Variants in NEXMIF observed in about 807,000 individuals in gnomAD.
NEXMIF encodes XLMR protein related to neurite extension.
A neutral mutation model predicts 62.1 loss-of-function variants in NEXMIF; 8 were observed. The observed-to-expected ratio is 0.13, with a 90% CI of 0.08 to 0.23. The LOEUF (loss-of-function observed/expected upper bound fraction) is 0.23, where lower values mean the gene tolerates loss of function less well. NEXMIF is among the 10% of genes least tolerant of loss of function. The probability of loss-of-function intolerance (pLI) is 1.00; values close to 1 mark genes in which losing one functional copy is unlikely to be tolerated. For synonymous variants in NEXMIF, 404 were observed against 416.6 expected, an observed-to-expected ratio of 0.97 and a Z score of 0.37; for missense variants, 976 against 1,113.3, an observed-to-expected ratio of 0.88 and a Z score of 1.75.
Position 74,745,623 on chromosome X carries a change from C to T in NEXMIF, c.28G>A (p.Val10Ile), listed in dbSNP as rs968900175. ...GTGTTTTCTCCGTTGGCTGAGGCAA[C>T]AATAGCCTTATCTTGTTGGTTATCC... MDNQQDKAI[V>I]ASANGENTLI... is the part of the protein sequence containing the mutation. Residue 10 changes from valine to isoleucine, a missense_variant, in exon 2 of 4, where the codon GTT becomes ATT. This residue lies in a region of NEXMIF where 126 missense variants were observed against 146.5 expected (regional missense o/e 0.86). Coordinates refer to ENST00000055682, the MANE Select transcript of NEXMIF (RefSeq NM_001008537.3). 1.7e-6 allele frequency: 2 copies of T among 1,196,842 alleles called. No homozygotes were observed. The highest frequency in any genetic ancestry group is 3.5e-5 in the African/African-American group (2 of 56,914).
chrX:74,874,723 G>A (rs1170354889), intron 1 of NEXMIF, among the ~76,000 whole-genome samples: 4 of 92,116 alleles, frequency 4.3e-5, no homozygotes, highest in African/African-American at 1.7e-4. Flanking sequence ...CTTGTAAGTT[G>A]GATTCCTAGG....
chrX:74,794,709 G>A (rs1000849003), intron 1 of NEXMIF, among the ~76,000 whole-genome samples: 5 of 111,697 alleles, frequency 4.5e-5, no homozygotes, highest in African/African-American at 6.5e-5. Context: ...TCGGAAAAGC[G>A]CCATATTCGG....
chrX:74,805,770 T>C (rs1000417995), intron 1 of NEXMIF, among the ~76,000 whole-genome samples: 15 of 112,171 alleles, frequency 1.3e-4, no homozygotes, highest in Non-Finnish European at 1.1e-4. Context: ...TTGTCAACTT[T>C]GTCAAAGATC....
chrX:74,863,177 A>G (rs1241170080), intron 1 of NEXMIF, among the ~76,000 whole-genome samples: 1 of 109,638 alleles, frequency 9.1e-6, no homozygotes, highest in Non-Finnish European at 1.9e-5. Context: ...ATCTCAAAAA[A>G]AAAAAAAAGT....
intron 1 of NEXMIF, among the ~76,000 whole-genome samples, chrX:74,753,289 C>A (rs2080149557): frequency 8.9e-6 from 1 of 111,839 alleles, no homozygotes; most frequent in Non-Finnish European, 1.9e-5. Context: ...GGAAGATAGT[C>A]TCATCCCAAA....
chrX:74,865,772 G>A (rs2147501771), intron 1 of NEXMIF, among the ~76,000 whole-genome samples: 1 of 112,202 alleles, frequency 8.9e-6, no homozygotes, highest in South Asian at 3.7e-4. Context: ...TGGCTTCAGA[G>A]GGTTCAAGCC....
At chrX:74,763,225 T>C (rs1344640305) in intron 1 of NEXMIF, among the ~76,000 whole-genome samples, 1 of 112,112 alleles carries the variant, frequency 8.9e-6, no homozygotes. Context: ...AAATAGGGAA[T>C]CCTTTCCCCA....
At chrX:74,751,934 C>A (rs1206517276) in intron 1 of NEXMIF, among the ~76,000 whole-genome samples, 1 of 108,785 alleles carries the variant, frequency 9.2e-6, no homozygotes, top group African/African-American at 3.4e-5. Flanking sequence ...CTCTGCCTCC[C>A]AGGTACAAGC....
intron 1 of NEXMIF, among the ~76,000 whole-genome samples, chrX:74,830,348 C>T (rs765285728): frequency 9.0e-4 from 100 of 111,440 alleles, no homozygotes; most frequent in Non-Finnish European, 1.5e-3. Context: ...TTGTCGAACA[C>T]GAGCTCATCA....
intron 1 of NEXMIF, among the ~76,000 whole-genome samples, chrX:74,793,683 T>A (rs2080294416): frequency 9.6e-6 from 1 of 104,607 alleles, no homozygotes; most frequent in Non-Finnish European, 2.0e-5. Context: ...TTCTTTTTAT[T>A]CTTTTTTCTC....
At chrX:74,778,523 A>C (rs1312973881) in intron 1 of NEXMIF, among the ~76,000 whole-genome samples, 1 of 111,062 alleles carries the variant, frequency 9.0e-6, no homozygotes, top group Non-Finnish European at 1.9e-5. Context: ...CTTTATGTTG[A>C]TATACATTTA....
intron 1 of NEXMIF, among the ~76,000 whole-genome samples, chrX:74,787,994 C>T (rs2080266406): frequency 9.0e-6 from 1 of 111,635 alleles, no homozygotes; most frequent in South Asian, 3.8e-4. Flanking sequence ...GATCTGGATC[C>T]AGAGCACCAG....
At chrX:74,822,838 G>A (rs1414772103) in intron 1 of NEXMIF, among the ~76,000 whole-genome samples, 1 of 112,026 alleles carries the variant, frequency 8.9e-6, no homozygotes, top group Non-Finnish European at 1.9e-5. Flanking sequence ...ATAAAGTTAG[G>A]TTACCATGTG....
intron 1 of NEXMIF, among the ~76,000 whole-genome samples, chrX:74,831,083 T>C (rs1471099334): frequency 1.8e-5 from 2 of 111,499 alleles, no homozygotes; most frequent in African/African-American, 6.5e-5. Flanking sequence ...TGTTAAATAA[T>C]AGTGGAGACA....
rs181543308 is a variant in NEXMIF, at chrX:74,905,015, A to G, written c.-48+19868T>C. Among the ~76,000 whole-genome samples, 3 of 111,555 alleles carry G rather than the reference A, an allele frequency of 2.7e-5. No homozygotes were observed. In the East Asian group the frequency reaches 8.5e-4, roughly 32 times the overall value. ...AGCTCTCTGGTCCTAAGAGCCATCA[A>G]TTGGTTGGATTTTCCAACTTTCCTG... On this transcript the variant is annotated intron_variant, in intron 1 of 3. Transcript: ENST00000055682.
intron 1 of NEXMIF, among the ~76,000 whole-genome samples, chrX:74,829,219 A>G (rs752575952): frequency 1.3e-4 from 14 of 111,854 alleles, no homozygotes; most frequent in Non-Finnish European, 2.6e-4. Flanking sequence ...TTATACTCTT[A>G]GTTATTTTTA....
intron 1 of NEXMIF, among the ~76,000 whole-genome samples, chrX:74,842,005 G>T (rs1372018397): frequency 1.8e-5 from 2 of 111,748 alleles, no homozygotes; most frequent in Non-Finnish European, 3.8e-5. Flanking sequence ...GGATGAGTTG[G>T]GGAGGAGATC....
At chrX:74,853,146 G>A (rs1278288274) in intron 1 of NEXMIF, among the ~76,000 whole-genome samples, 3 of 110,396 alleles carry the variant, frequency 2.7e-5, no homozygotes, top group Non-Finnish European at 3.8e-5. Flanking sequence ...TTTAGGAGCG[G>A]AAAGTTTAAT....
At chrX:74,853,245 C>G (rs1050193317) in intron 1 of NEXMIF, among the ~76,000 whole-genome samples, 1 of 109,900 alleles carries the variant, frequency 9.1e-6, no homozygotes, top group African/African-American at 3.3e-5. Flanking sequence ...AAAACATAAT[C>G]GGTTTTGTAC....
Sources: gnomAD v4.1 joint callset for allele counts (sites outside exome capture counted in the v4.1 genomes callset) on GRCh38, gnomAD v4.1.1 for gene constraint, gnomAD v4.1.1 regional missense constraint, MANE v1.5 for transcripts, NCBI Gene and HGNC (gene_info 2026-07-23, HGNC 2026-07-21) for gene names.